The following IL7 variants were observed in gnomAD, a reference collection of about 807,000 sequenced individuals.
The protein encoded by IL7 is interleukin-7.
A neutral mutation model predicts 21.6 loss-of-function variants in IL7; 3 were observed. The ratio of observed to expected loss-of-function variants is 0.14; its 90% CI spans 0.06 to 0.36. IL7 has a LOEUF of 0.36. IL7 is among the 10% of genes least tolerant of loss of function. The pLI, the probability that IL7 is intolerant of heterozygous loss-of-function variation, is 1.00. For missense variants in IL7, 175 were observed against 200.2 expected (o/e 0.87, Z 0.76); for synonymous variants, 62 against 68.1 (o/e 0.91, Z 0.44).
chr8:78,782,788 C>T (rs1389253707), intron 2 of IL7, among the ~76,000 whole-genome samples: 1 of 152,080 alleles, frequency 6.6e-6, no homozygotes, highest in East Asian at 1.9e-4. Flanking sequence ...GGGGAAAAGA[C>T]TAAGTCTGCT....
downstream of IL7, among the ~76,000 whole-genome samples, chr8:78,731,161 CT>C (rs1395264468): frequency 2.0e-5 from 3 of 151,902 alleles, no homozygotes; most frequent in Admixed American, 2.0e-4. Flanking sequence ...AGCAAAGAAA[CT>C]TTTCTAGTTC....
At chr8:78,793,486 T>A (rs920800415) in intron 2 of IL7, among the ~76,000 whole-genome samples, 6 of 152,248 alleles carry the variant, frequency 3.9e-5, no homozygotes, top group African/African-American at 1.4e-4. Context: ...TGTACAATAG[T>A]CTTATGTCTA....
chr8:78,761,481 C>A, intron 2 of IL7: 2 of 1,611,166 alleles, frequency 1.2e-6, no homozygotes, highest in Non-Finnish European at 1.7e-6. Flanking sequence ...CCCCACTTCT[C>A]AGTTATCATA....
At chr8:78,795,049 G>A (rs949335255) in intron 2 of IL7, among the ~76,000 whole-genome samples, 6 of 152,016 alleles carry the variant, frequency 3.9e-5, no homozygotes, top group African/African-American at 9.7e-5. Flanking sequence ...ATTCTGGCTC[G>A]GTCACTTATA....
chr8:78,705,350 G>GGTGT, intron 3 of IL7, among the ~76,000 whole-genome samples: 1 of 152,200 alleles, frequency 6.6e-6, no homozygotes, highest in East Asian at 1.9e-4. Context: ...GTGTATGCTG[G>GGTGT]GTGTCCACTC....
chr8:78,685,118 CCGTGGAATG>C (rs1474431953), intron 4 of IL7, among the ~76,000 whole-genome samples: 1 of 151,838 alleles, frequency 6.6e-6, no homozygotes, highest in Non-Finnish European at 1.5e-5. Context: ...ATAGTCAGAA[CCGTGGAATG>C]GAAGAGAAAG....
chr8:78,739,381 A>C (rs894981066), intron 3 of IL7, among the ~76,000 whole-genome samples: 1 of 152,170 alleles, frequency 6.6e-6, no homozygotes, highest in African/African-American at 2.4e-5. Flanking sequence ...CATTCACATT[A>C]ACAAGTATTT....
chr8:78,682,968 A>G (rs1235531598), intron 4 of IL7, among the ~76,000 whole-genome samples: 1 of 152,208 alleles, frequency 6.6e-6, no homozygotes, highest in Admixed American at 6.5e-5. Flanking sequence ...TAAACCTTAA[A>G]GCTCTGAAAC....
chr8:78,716,852 T>C (rs2130620253), downstream of IL7, among the ~76,000 whole-genome samples: 1 of 152,256 alleles, frequency 6.6e-6, no homozygotes, highest in South Asian at 2.1e-4. Flanking sequence ...GAGTTCTCAA[T>C]GTATCTGATT....
At chr8:78,712,811 T>C (rs1810990978) in intron 3 of IL7, among the ~76,000 whole-genome samples, 2 of 152,312 alleles carry the variant, frequency 1.3e-5, no homozygotes, top group African/African-American at 4.8e-5. Context: ...AAAATTAATA[T>C]ACCTATTAAT....
chr8:78,805,002 G>C lies in IL7; in HGVS notation c.-80C>G. On this transcript the variant is annotated 5_prime_UTR_variant, in exon 1 of 6. Transcript: ENST00000263851. ...TCTCACCGCCCATAGTCACTCCCAG[G>C]ACCCTGGTCTTCCGCGGAGTTGCCG... 6.6e-7 allele frequency: 1 copy of C among 1,506,194 alleles called. No individual in the cohort carries two copies. Among genetic ancestry groups the C allele is most frequent in the Non-Finnish European group, 9.1e-7 (1 of 1,102,560 alleles). 93.3% of individuals were successfully genotyped at this position (1,506,194 alleles called of 1,614,324 possible).
At chr8:78,704,174 G>A (rs925578823) in intron 3 of IL7, among the ~76,000 whole-genome samples, 1 of 152,120 alleles carries the variant, frequency 6.6e-6, no homozygotes, top group South Asian at 2.1e-4. Context: ...CTGAGGTCAG[G>A]AGTTCAAGAC....
downstream of IL7, among the ~76,000 whole-genome samples, chr8:78,731,815 A>T (rs1310590536): frequency 6.6e-6 from 1 of 152,062 alleles, no homozygotes; most frequent in Non-Finnish European, 1.5e-5. Flanking sequence ...GTTTGAGTCC[A>T]ATTTTTCTCA....
chr8:78,747,712 A>G (rs538322720), intron 2 of IL7, among the ~76,000 whole-genome samples: 1 of 152,308 alleles, frequency 6.6e-6, no homozygotes, highest in South Asian at 2.1e-4. Context: ...AGCATTTACC[A>G]TGTGCCATTT....
At chr8:78,723,406 A>C (rs1000371361) in intron 3 of IL7, among the ~76,000 whole-genome samples, 2 of 151,914 alleles carry the variant, frequency 1.3e-5, no homozygotes, top group Non-Finnish European at 2.9e-5. Context: ...CCTTAAAATT[A>C]CCTCCGTTTG....
chr8:78,687,904 T>TA (rs1464031992), intron 3 of IL7, among the ~76,000 whole-genome samples: 16 of 56,472 alleles, frequency 2.8e-4, no homozygotes, highest in Non-Finnish European at 5.5e-4. Flanking sequence ...ATTATATATA[T>TA]TTATATAAAT....
rs185357791 is a variant in IL7 at position 78,803,507 on chromosome 8, G to A, written c.10+1406C>T. On this transcript the variant is annotated intron_variant, in intron 1 of 5. Coordinates refer to ENST00000263851, the MANE Select transcript of IL7 (RefSeq NM_000880.4). ...CTTGAAACAAACTTCAGGAAGCCAT[G>A]CATTATAATCATTATTATTAGAATT... 1.5e-4 allele frequency among the ~76,000 whole-genome samples: 23 copies of A among 152,272 alleles called. No homozygotes were observed. In the East Asian group the frequency reaches 4.2e-3, roughly 28 times the overall value.
intron 5 of IL7, among the ~76,000 whole-genome samples, chr8:78,720,207 T>C (rs939942654): frequency 7.2e-5 from 11 of 151,806 alleles, no homozygotes; most frequent in Admixed American, 6.6e-5. Flanking sequence ...AGGTGAACAT[T>C]TAACCATGAG....
chr8:78,747,174 A>C, intron 2 of IL7: 1 of 407,232 alleles, frequency 2.5e-6, no homozygotes, highest in Non-Finnish European at 4.7e-6. Flanking sequence ...TCCCTATAGA[A>C]ATATACTTCA....
Sources: allele counts gnomAD v4.1 joint callset (sites outside exome capture counted in the v4.1 genomes callset), GRCh38; gene constraint gnomAD v4.1.1; transcripts MANE v1.5; gene names NCBI Gene and HGNC (gene_info 2026-07-23, HGNC 2026-07-21).